GAS2: variants seen among roughly 807,000 people sequenced by gnomAD.
GAS2 encodes growth arrest-specific protein 2.
A neutral mutation model predicts 37.5 loss-of-function variants in GAS2; 20 were observed. The observed-to-expected ratio is 0.53, with a 90% confidence interval of 0.37 to 0.77. GAS2 has a LOEUF of 0.77. Among genes scored for constraint, GAS2 ranks in the 30% least tolerant of loss-of-function variants. GAS2 has a pLI of 0.00. For synonymous variants in GAS2, 144 were observed against 132.2 expected (o/e 1.09, Z -0.61); for missense variants, 336 against 373.4 (o/e 0.90, Z 0.82).
At chr11:22,725,116 A>T (rs1852137666) in intron 3 of GAS2, among the ~76,000 whole-genome samples, 2 of 152,094 alleles carry the variant, frequency 1.3e-5, no homozygotes, top group East Asian at 1.9e-4. Flanking sequence ...TTCACATCAC[A>T]AAGAATTACA....
At chr11:22,738,697 A>G (rs977990627) in intron 5 of GAS2, among the ~76,000 whole-genome samples, 1 of 152,216 alleles carries the variant, frequency 6.6e-6, no homozygotes, top group Non-Finnish European at 1.5e-5. Context: ...CACACCAGCA[A>G]TTTACAACTT....
At chr11:22,757,250 C>A (rs1854097354) in intron 7 of GAS2, among the ~76,000 whole-genome samples, 1 of 151,982 alleles carries the variant, frequency 6.6e-6, no homozygotes, top group Non-Finnish European at 1.5e-5. Flanking sequence ...CAAATTTAGT[C>A]ATTTGTCAAG....
chr11:22,652,640 C>T (rs939650410), intron 1 of GAS2, among the ~76,000 whole-genome samples: 1 of 152,224 alleles, frequency 6.6e-6, no homozygotes, highest in Non-Finnish European at 1.5e-5. Context: ...GTGTTTTAAG[C>T]CCGTGGGAAA....
chr11:22,683,771 C>T (rs1849812608), intron 2 of GAS2, among the ~76,000 whole-genome samples: 1 of 151,798 alleles, frequency 6.6e-6, no homozygotes, highest in African/African-American at 2.4e-5. Context: ...TTCACATGCT[C>T]ACTGAGCACA....
At chr11:22,645,037 G>A (rs1213012021) in intron 1 of GAS2, among the ~76,000 whole-genome samples, 2 of 152,150 alleles carry the variant, frequency 1.3e-5, no homozygotes, top group African/African-American at 4.8e-5. Context: ...GTACACAACG[G>A]AGCAATATCA....
chr11:22,690,908 G>A (rs1403965407), intron 3 of GAS2, among the ~76,000 whole-genome samples: 1 of 151,708 alleles, frequency 6.6e-6, no homozygotes, highest in Non-Finnish European at 1.5e-5. Context: ...TTGCTGATTT[G>A]TGCAAAAGAC....
chr11:22,635,857 A>C (rs1382615555), intron 1 of GAS2, among the ~76,000 whole-genome samples: 1 of 152,118 alleles, frequency 6.6e-6, no homozygotes, highest in East Asian at 1.9e-4. Context: ...CCACTCACTA[A>C]ATCAGCTCCA....
At chr11:22,780,362 G>A (rs1044154306) in intron 7 of GAS2, among the ~76,000 whole-genome samples, 3 of 151,956 alleles carry the variant, frequency 2.0e-5, no homozygotes, top group African/African-American at 4.8e-5. Flanking sequence ...AGACGTGGCG[G>A]CATGCACTTG....
At chr11:22,810,473 A>T (rs776673588) in intron 7 of GAS2, among the ~76,000 whole-genome samples, 2 of 152,212 alleles carry the variant, frequency 1.3e-5, no homozygotes, top group Admixed American at 6.5e-5. Flanking sequence ...AACCACAAAC[A>T]TCATTTCTAT....
intron 3 of GAS2, among the ~76,000 whole-genome samples, chr11:22,700,981 A>G (rs558198557): frequency 5.9e-5 from 9 of 152,334 alleles, no homozygotes; most frequent in East Asian, 5.8e-4. Context: ...CTTTTGCTCA[A>G]TAAAATAGTT....
chr11:22,719,268 T>G (rs959681801), intron 3 of GAS2, among the ~76,000 whole-genome samples: 7 of 152,274 alleles, frequency 4.6e-5, no homozygotes, highest in African/African-American at 1.4e-4. Context: ...CAGCACTTAC[T>G]CATGCTGGCT....
At chr11:22,769,487 A>G (rs1039646423) in intron 7 of GAS2, among the ~76,000 whole-genome samples, 2 of 152,248 alleles carry the variant, frequency 1.3e-5, no homozygotes, top group African/African-American at 4.8e-5. Context: ...CAGCACTCAT[A>G]GATCTGATAG....
At chr11:22,811,284 G>T (rs939403319) in intron 7 of GAS2, among the ~76,000 whole-genome samples, 2 of 152,226 alleles carry the variant, frequency 1.3e-5, no homozygotes, top group African/African-American at 4.8e-5. Context: ...CAAGGGCTCA[G>T]ACAATGACTG....
chr11:22,694,360 C>T (rs1277356994), intron 3 of GAS2, among the ~76,000 whole-genome samples: 2 of 152,094 alleles, frequency 1.3e-5, no homozygotes, highest in East Asian at 1.9e-4. Flanking sequence ...TCCTGCCACC[C>T]GGAGAATTTC....
At chr11:22,756,975 T>G (rs2134339155) in intron 7 of GAS2, among the ~76,000 whole-genome samples, 1 of 152,270 alleles carries the variant, frequency 6.6e-6, no homozygotes, top group East Asian at 1.9e-4. Flanking sequence ...TAAATAATAG[T>G]GATCTAGAAT....
intron 3 of GAS2, among the ~76,000 whole-genome samples, chr11:22,691,200 G>A (rs530309930): frequency 2.6e-5 from 4 of 152,142 alleles, no homozygotes; most frequent in African/African-American, 7.2e-5. Flanking sequence ...CCGTCTAAAT[G>A]TAGAATCCAG....
intron 3 of GAS2, among the ~76,000 whole-genome samples, chr11:22,700,007 A>G (rs1249417181): frequency 3.3e-5 from 5 of 152,174 alleles, no homozygotes; most frequent in African/African-American, 1.2e-4. Context: ...CTGGAAGTGT[A>G]GAGATGCCCT....
intron 3 of GAS2, among the ~76,000 whole-genome samples, chr11:22,692,048 C>T (rs1850269443): frequency 1.3e-5 from 2 of 151,912 alleles, no homozygotes; most frequent in South Asian, 4.1e-4. Flanking sequence ...CATAGCAATA[C>T]ATGTTGGTAA....
chr11:22,704,946 T>C lies in GAS2; in HGVS notation c.267+19157T>C, dbSNP rs111665194. 3.9e-4 allele frequency among the ~76,000 whole-genome samples: 59 copies of C among 152,236 alleles called. 2 individuals are homozygous for C. Among genetic ancestry groups the C allele is most frequent in the African/African-American group, 1.3e-3 (53 of 41,570 alleles). On this transcript the variant is annotated intron_variant, in intron 3 of 7. Transcript: ENST00000454584. Reference sequence around the variant, plus strand: ...ATTTCCACAGACTTAATTAATGCCATGTGATATGATAATAAAGCAAACATT... The same window carrying C: ...ATTTCCACAGACTTAATTAATGCCACGTGATATGATAATAAAGCAAACATT...
Sources: allele counts gnomAD v4.1 joint callset (sites outside exome capture counted in the v4.1 genomes callset), GRCh38; gene constraint gnomAD v4.1.1; transcripts MANE v1.5; gene names NCBI Gene and HGNC (gene_info 2026-07-23, HGNC 2026-07-21).